The following ELP3 variants were observed in gnomAD, a reference collection of about 807,000 sequenced individuals.
The protein encoded by ELP3 is elongator acetyltransferase complex subunit 3, also known as elongator complex protein 3.
In ELP3, 56 loss-of-function variants were observed where a neutral mutation model predicts 74.9. The ratio of observed to expected loss-of-function variants is 0.75; its 90% CI spans 0.60 to 0.93. The LOEUF (loss-of-function observed/expected upper bound fraction) is 0.93, where lower values mean the gene tolerates loss of function less well. ELP3 is among the 40% of genes least tolerant of loss of function. The pLI, the probability that ELP3 is intolerant of heterozygous loss-of-function variation, is 0.00. For synonymous variants in ELP3, 222 were observed against 239.8 expected, an observed-to-expected ratio of 0.93 and a Z score of 0.68; for missense variants, 573 against 686.5, an observed-to-expected ratio of 0.83 and a Z score of 1.85.
At chr8:28,109,808 A>G (rs1391356686) in intron 5 of ELP3, among the ~76,000 whole-genome samples, 6 of 152,210 alleles carry the variant, frequency 3.9e-5, no homozygotes, top group Admixed American at 3.9e-4. Context: ...TGAGGTTTGG[A>G]GCATTTTTGA....
chr8:28,157,118 ATCT>A (rs1340067285), intron 11 of ELP3, among the ~76,000 whole-genome samples: 1 of 152,140 alleles, frequency 6.6e-6, no homozygotes, highest in Non-Finnish European at 1.5e-5. Flanking sequence ...TTATCCATCC[ATCT>A]TCTTTAACCC....
intron 7 of ELP3, among the ~76,000 whole-genome samples, chr8:28,127,185 C>G (rs189047733): frequency 2.6e-5 from 4 of 152,210 alleles, no homozygotes; most frequent in East Asian, 1.9e-4. Context: ...ATAAAGAGAC[C>G]TTGTGCAGCA....
chr8:28,114,122 C>A (rs930527656), intron 7 of ELP3, among the ~76,000 whole-genome samples: 2 of 151,608 alleles, frequency 1.3e-5, no homozygotes, highest in South Asian at 2.1e-4. Context: ...CCTTATTTAA[C>A]AAATCCTTCT....
At chr8:28,180,907 G>A (rs1814984149) in intron 14 of ELP3, among the ~76,000 whole-genome samples, 1 of 152,076 alleles carries the variant, frequency 6.6e-6, no homozygotes, top group Non-Finnish European at 1.5e-5. Context: ...CCTCCTCAAG[G>A]TACGGAAGCA....
At chr8:28,169,881 G>A (rs1814451276) in intron 14 of ELP3, among the ~76,000 whole-genome samples, 1 of 152,036 alleles carries the variant, frequency 6.6e-6, no homozygotes, top group South Asian at 2.1e-4. Context: ...TTGGTCTTGG[G>A]GCTGTGGTTC....
chr8:28,156,184 G>A (rs1304829577), intron 11 of ELP3, 152 bp downstream of exon 11: 9 of 660,950 alleles, frequency 1.4e-5, no homozygotes, highest in Non-Finnish European at 2.4e-5. Flanking sequence ...GAACTGTGTC[G>A]GAGCTGAAGC....
intron 11 of ELP3, among the ~76,000 whole-genome samples, chr8:28,158,110 A>G (rs1306164849): frequency 6.6e-6 from 1 of 151,406 alleles, no homozygotes; most frequent in Non-Finnish European, 1.5e-5. Flanking sequence ...TCCTAAAATG[A>G]TACAAATATG....
At chr8:28,185,216 G>A (rs1815190197) in intron 14 of ELP3, among the ~76,000 whole-genome samples, 1 of 152,190 alleles carries the variant, frequency 6.6e-6, no homozygotes, top group Admixed American at 6.5e-5. Flanking sequence ...ATATAAGTCA[G>A]GAAGCTGCCT....
chr8:28,116,464 G>T (rs998330536), intron 7 of ELP3, among the ~76,000 whole-genome samples: 5 of 152,242 alleles, frequency 3.3e-5, no homozygotes, highest in African/African-American at 1.2e-4. Context: ...AAGAGGCCGG[G>T]CGTAGTGGCT....
intron 7 of ELP3, among the ~76,000 whole-genome samples, chr8:28,121,995 T>C (rs972937573): frequency 6.6e-6 from 1 of 152,208 alleles, no homozygotes; most frequent in African/African-American, 2.4e-5. Context: ...ATGTATTAGA[T>C]TGAATAAGTT....
At chr8:28,136,803 G>A (rs139693681) in intron 9 of ELP3, among the ~76,000 whole-genome samples, 122 of 152,318 alleles carry the variant, frequency 8.0e-4, no homozygotes, top group Non-Finnish European at 1.6e-3. Context: ...GGGACTGTGA[G>A]TCCACTTTCA....
chr8:28,186,810 A>G (rs1410388819), intron 14 of ELP3, among the ~76,000 whole-genome samples: 2 of 152,212 alleles, frequency 1.3e-5, no homozygotes, highest in African/African-American at 4.8e-5. Context: ...TCCTTTCATG[A>G]GGGCAGAGCC....
At chr8:28,134,736 A>G (rs1307654521) in intron 9 of ELP3, among the ~76,000 whole-genome samples, 1 of 152,214 alleles carries the variant, frequency 6.6e-6, no homozygotes, top group Non-Finnish European at 1.5e-5. Context: ...TTGGTCTTGT[A>G]TTGTGGATAT....
At chr8:28,125,462 C>T (rs1465687691) in intron 7 of ELP3, among the ~76,000 whole-genome samples, 1 of 152,150 alleles carries the variant, frequency 6.6e-6, no homozygotes, top group East Asian at 1.9e-4. Flanking sequence ...GAAAGAGGAG[C>T]TGCCACGAAT....
At chr8:28,102,001 T>C (rs1288445250) in intron 3 of ELP3, among the ~76,000 whole-genome samples, 1 of 152,180 alleles carries the variant, frequency 6.6e-6, no homozygotes, top group Non-Finnish European at 1.5e-5. Context: ...ACCCTCTCTG[T>C]TTCTTCCTCT....
rs775360580 is a variant in ELP3, at chr8:28,099,977, C to T, written c.258+11C>T. The T allele has an allele frequency of 3.1e-6, 5 of 1,613,980 alleles. No homozygotes were observed. The highest frequency in any genetic ancestry group is 4.5e-5 in the East Asian group (2 of 44,876). ...AGAACTGCTAGTGGGGTGAGTGATT[C>T]GACTCATGAGGTATCGACACACTGG... On this transcript the variant is annotated intron_variant, in intron 3 of 14. Coordinates refer to ENST00000256398, the MANE Select transcript of ELP3 (RefSeq NM_018091.6).
rs868749214 is a variant in ELP3 at position 28,147,450 on chromosome 8, A to G, written c.1101-8492A>G. ...ATTTAGCAAATGAGTAGATGTCCTA[A>G]AGATAAGGAGAGCCAGTTTTCTCAC... On this transcript the variant is annotated intron_variant, in intron 10 of 14. Coordinates refer to ENST00000256398, the MANE Select transcript of ELP3 (RefSeq NM_018091.6). The surrounding 1 kb of genome is among the most constrained non-coding windows in gnomAD (Gnocchi z 4.5). Among the ~76,000 whole-genome samples, 9 of 152,218 alleles carry G rather than the reference A, an allele frequency of 5.9e-5. No individual in the cohort carries two copies. Among genetic ancestry groups the G allele is most frequent in the African/African-American group, 1.9e-4 (8 of 41,456 alleles).
chr8:28,168,459 T>TG, intron 14 of ELP3, among the ~76,000 whole-genome samples: 1 of 152,212 alleles, frequency 6.6e-6, no homozygotes, highest in East Asian at 1.9e-4. Context: ...GTAGACTTTT[T>TG]GTCCCCATTC....
At chr8:28,096,928 C>A (rs1251249706) in intron 1 of ELP3, among the ~76,000 whole-genome samples, 2 of 152,198 alleles carry the variant, frequency 1.3e-5, no homozygotes, top group African/African-American at 4.8e-5. Context: ...TAAGTTCTTT[C>A]TCCTCACATT....
Sources: gnomAD v4.1 joint callset for allele counts (sites outside exome capture counted in the v4.1 genomes callset) on GRCh38, gnomAD v4.1.1 for gene constraint, Gnocchi (gnomAD v3.1) non-coding constraint, MANE v1.5 for transcripts, NCBI Gene and HGNC (gene_info 2026-07-23, HGNC 2026-07-21) for gene names.